DENND1A: variants seen among roughly 807,000 people sequenced by gnomAD.
DENND1A encodes DENN domain-containing protein 1A.
Under a neutral mutation model 113.7 loss-of-function variants are expected in DENND1A, and 51 were observed. That is an observed-to-expected ratio of 0.45 (90% CI 0.36 to 0.57). The LOEUF is 0.57. Among genes scored for constraint, DENND1A ranks in the 20% least tolerant of loss-of-function variants. DENND1A has a pLI of 0.00. For missense variants in DENND1A, 1,258 were observed against 1,395.9 expected (o/e 0.90, Z 1.57); for synonymous variants, 565 against 570.8 (o/e 0.99, Z 0.14).
At chr9:123,595,550 T>C (rs775231686) in intron 11 of DENND1A, among the ~76,000 whole-genome samples, 1 of 151,990 alleles carries the variant, frequency 6.6e-6, no homozygotes, top group African/African-American at 2.4e-5. Flanking sequence ...CCATTCCCAC[T>C]CACCCACCAG....
At chr9:123,621,830 C>T (rs890615332) in intron 10 of DENND1A, among the ~76,000 whole-genome samples, 4 of 152,192 alleles carry the variant, frequency 2.6e-5, no homozygotes, top group Admixed American at 6.5e-5. Flanking sequence ...TTGGAATCGA[C>T]GCAGATCTGA....
chr9:123,603,803 C>T (rs2060034686), intron 11 of DENND1A, among the ~76,000 whole-genome samples: 2 of 152,108 alleles, frequency 1.3e-5, no homozygotes, highest in South Asian at 2.1e-4. Context: ...GCTAATACTT[C>T]GAAGAAAGCC....
intron 21 of DENND1A, among the ~76,000 whole-genome samples, chr9:123,399,581 C>T (rs2043319070): frequency 6.6e-6 from 1 of 152,164 alleles, no homozygotes; most frequent in Non-Finnish European, 1.5e-5. Context: ...ATTCCTCTTT[C>T]CTTCCCCAAG....
chr9:123,697,178 A>T (rs1351828317), intron 5 of DENND1A, among the ~76,000 whole-genome samples: 1 of 152,228 alleles, frequency 6.6e-6, no homozygotes, highest in Non-Finnish European at 1.5e-5. Flanking sequence ...TTATGCACAC[A>T]TGCACATTTA....
intron 13 of DENND1A, among the ~76,000 whole-genome samples, chr9:123,516,884 CAA>C (rs546001517): frequency 2.1e-5 from 2 of 93,416 alleles, no homozygotes; most frequent in Admixed American, 2.1e-4. Context: ...GACTCTGTCT[CAA>C]AAAAAAAAAA....
intron 1 of DENND1A, among the ~76,000 whole-genome samples, chr9:123,906,064 C>A (rs1255776541): frequency 6.6e-6 from 1 of 152,032 alleles, no homozygotes; most frequent in East Asian, 1.9e-4. Flanking sequence ...CACTCAAAAC[C>A]GCTCAACTAC....
Position 123,381,145 on chromosome 9 carries a change from C to A in DENND1A, c.*287G>T. 1 of 450,278 alleles carries A rather than the reference C, an allele frequency of 2.2e-6. No individual in the cohort carries two copies. Among genetic ancestry groups the A allele is most frequent in the Non-Finnish European group, 4.0e-6 (1 of 247,582 alleles). 27.9% of individuals were successfully genotyped at this position (450,278 alleles called of 1,614,324 possible). On this transcript the variant is annotated 3_prime_UTR_variant, in exon 24 of 24. Transcript: ENST00000394215. This position sits in a 1 kb window ranked among gnomAD's most constrained non-coding sequence, Gnocchi z 4.7. Reference sequence around the variant, plus strand: ...GTCTGGAGCAATATCATTGGCCCAGCTGACCTCTTTAGTGCAAAACCCAAT... The same window carrying A: ...GTCTGGAGCAATATCATTGGCCCAGATGACCTCTTTAGTGCAAAACCCAAT...
intron 2 of DENND1A, among the ~76,000 whole-genome samples, chr9:123,810,816 T>C (rs1836463691): frequency 6.6e-6 from 1 of 150,466 alleles, no homozygotes; most frequent in East Asian, 2.0e-4. Flanking sequence ...TGGAGTGCAG[T>C]GGTGCAATCT....
In DENND1A at chr9:123,617,548, CAT is replaced by C. The variant is rs572235355; in HGVS notation, c.720-8069_720-8068del. ...CCACTGGACCCAACAGAAATGAACA[CAT>C]GAGTTACAAAGATAACACCTGGACA... On this transcript the variant is annotated intron_variant, in intron 10 of 23. Coordinates refer to ENST00000394215, the MANE Select transcript of DENND1A (RefSeq NM_001352964.2). 1.9e-4 allele frequency among the ~76,000 whole-genome samples: 29 copies of C among 152,326 alleles called. 2 individuals carry two copies. In the South Asian group the frequency reaches 4.1e-3, roughly 22 times the overall value.
chr9:123,911,158 C>T (rs1194856592), intron 1 of DENND1A, among the ~76,000 whole-genome samples: 1 of 152,036 alleles, frequency 6.6e-6, no homozygotes, highest in Admixed American at 6.6e-5. Context: ...GGCCAAGAAG[C>T]ATATGAAAAG....
chr9:123,394,457 G>A (rs1319647901), intron 21 of DENND1A, among the ~76,000 whole-genome samples: 2 of 152,158 alleles, frequency 1.3e-5, no homozygotes, highest in Admixed American at 6.5e-5. Context: ...GTGCAAGTCT[G>A]GGGGTGGTGC....
At chr9:123,760,672 T>C (rs778942080) in intron 4 of DENND1A, among the ~76,000 whole-genome samples, 1 of 152,246 alleles carries the variant, frequency 6.6e-6, no homozygotes, top group African/African-American at 2.4e-5. Flanking sequence ...GCTTGGATAC[T>C]GTGTTACTAT....
chr9:123,439,074 G>C lies in DENND1A; in HGVS notation c.1488+1286C>G, dbSNP rs530770883. ...CACGCTGGCGACAACCAGGGGCTGT[G>C]CTTTCAGCAAACACAGCCAGGGAAC... On this transcript the variant is annotated intron_variant, in intron 19 of 23. Transcript: ENST00000394215. 2.6e-5 allele frequency among the ~76,000 whole-genome samples: 4 copies of C among 152,378 alleles called. No individual in the cohort carries two copies. In the East Asian group the frequency reaches 7.7e-4, roughly 29 times the overall value.
At chr9:123,858,321 T>C (rs1186021513) in intron 2 of DENND1A, among the ~76,000 whole-genome samples, 1 of 152,226 alleles carries the variant, frequency 6.6e-6, no homozygotes, top group Non-Finnish European at 1.5e-5. Flanking sequence ...TATTCCCAAA[T>C]TGTGCAGAAG....
chr9:123,898,309 CATATA>C lies in DENND1A; in HGVS notation c.18-19293_18-19289del, dbSNP rs551984078. On this transcript the variant is annotated intron_variant, in intron 1 of 23. Coordinates refer to ENST00000394215, the MANE Select transcript of DENND1A (RefSeq NM_001352964.2). ...TTGAGTTATGAGGGTCTCATATGTACATATAATATGATACATTTTATTTTTTATTT... is the reference window on the plus strand; with the variant it reads ...TTGAGTTATGAGGGTCTCATATGTACATATGATACATTTTATTTTTTATTT... Among the ~76,000 whole-genome samples the C allele has an allele frequency of 4.9e-4, 74 of 152,128 alleles. 1 individual carries two copies. The highest frequency in any genetic ancestry group is 1.7e-3 in the African/African-American group (71 of 41,502).
At position 123,853,139 on chromosome 9, in the gene DENND1A, C is replaced by T. The variant is rs1159471833; in HGVS notation, c.88+25812G>A. Among the ~76,000 whole-genome samples, 9 of 150,092 alleles carry T rather than the reference C, an allele frequency of 6.0e-5. No homozygotes were observed. The East Asian group carries it at 8.1e-4, about 14-fold the overall frequency. On this transcript the variant is annotated intron_variant, in intron 2 of 23. Coordinates refer to ENST00000394215, the MANE Select transcript of DENND1A (RefSeq NM_001352964.2). Reference sequence around the variant, plus strand: ...TTCACCATGTTGGCCAGGCTGGTCTCGAACTTCTGACCTCATGATCCGCCG... The same window carrying T: ...TTCACCATGTTGGCCAGGCTGGTCTTGAACTTCTGACCTCATGATCCGCCG...
chr9:123,428,458 A>G (rs1299360097), intron 19 of DENND1A, among the ~76,000 whole-genome samples: 1 of 152,242 alleles, frequency 6.6e-6, no homozygotes, highest in Admixed American at 6.5e-5. Context: ...CTGAATGGGC[A>G]AACACTGGTA....
chr9:123,413,518 G>C (rs1564442125), intron 19 of DENND1A: 1 of 985,348 alleles, frequency 1.0e-6, no homozygotes. Context: ...GGAGGGCAGG[G>C]CCTGTGTCCC....
At chr9:123,449,460 G>T (rs993819517) in intron 18 of DENND1A, among the ~76,000 whole-genome samples, 3 of 151,796 alleles carry the variant, frequency 2.0e-5, no homozygotes, top group Non-Finnish European at 4.4e-5. Flanking sequence ...ACTTGAACCC[G>T]GGAGGTGGAG....
Sources: allele counts gnomAD v4.1 joint callset (sites outside exome capture counted in the v4.1 genomes callset), GRCh38; gene constraint gnomAD v4.1.1; non-coding constraint Gnocchi (gnomAD v3.1); transcripts MANE v1.5; gene names NCBI Gene and HGNC (gene_info 2026-07-23, HGNC 2026-07-21).